CTNNA3: variants seen among roughly 807,000 people sequenced by gnomAD.
The protein encoded by CTNNA3 is catenin alpha-3.
Under a neutral mutation model 95.7 loss-of-function variants are expected in CTNNA3, and 76 were observed. The observed-to-expected ratio is 0.79, with a 90% CI of 0.66 to 0.96. CTNNA3 has a LOEUF of 0.96. CTNNA3 is among the 40% of genes least tolerant of loss of function. CTNNA3 has a pLI of 0.00. For synonymous variants in CTNNA3, 431 were observed against 374.4 expected, an observed-to-expected ratio of 1.15 and a Z score of -1.74; for missense variants, 1,191 against 1,089.8, an observed-to-expected ratio of 1.09 and a Z score of -1.31.
chr10:66,048,622 G>A lies in CTNNA3; in HGVS notation c.2159+20686C>T, dbSNP rs139527243. 7.0e-3 allele frequency among the ~76,000 whole-genome samples: 1,060 copies of A among 152,180 alleles called. 5 individuals carry two copies. The highest frequency in any genetic ancestry group is 0.012 in the African/African-American group (513 of 41,506). ...AAAAATACAAAAAAATTAGCCAGGCGTGCTGGTGGGTGCCTGTAGTCCCAG... is the reference window on the plus strand; with the variant it reads ...AAAAATACAAAAAAATTAGCCAGGCATGCTGGTGGGTGCCTGTAGTCCCAG... On this transcript the variant is annotated intron_variant, in intron 15 of 17. Coordinates refer to ENST00000433211, the MANE Select transcript of CTNNA3 (RefSeq NM_013266.4).
At chr10:66,756,471 T>G (rs187798136) in intron 9 of CTNNA3, among the ~76,000 whole-genome samples, 66 of 152,232 alleles carry the variant, frequency 4.3e-4, no homozygotes, top group African/African-American at 1.5e-3. Flanking sequence ...AATCTAACAT[T>G]TCTATCTTGC....
chr10:66,679,601 A>G (rs1228877061), intron 9 of CTNNA3, among the ~76,000 whole-genome samples: 1 of 152,166 alleles, frequency 6.6e-6, no homozygotes, highest in Non-Finnish European at 1.5e-5. Flanking sequence ...ACTCCAATAG[A>G]TTTGATTTTA....
chr10:67,064,864 T>G (rs1451487499), intron 7 of CTNNA3, among the ~76,000 whole-genome samples: 1 of 152,228 alleles, frequency 6.6e-6, no homozygotes, highest in Non-Finnish European at 1.5e-5. Flanking sequence ...GAAATTTATA[T>G]GTAAGTATTT....
intron 15 of CTNNA3, among the ~76,000 whole-genome samples, chr10:66,064,395 G>A (rs2080272328): frequency 6.6e-6 from 1 of 152,130 alleles, no homozygotes; most frequent in East Asian, 1.9e-4. Context: ...CTTTGAATGT[G>A]TCAACACCTT....
chr10:67,566,982 G>T (rs892593038), intron 3 of CTNNA3, among the ~76,000 whole-genome samples: 1 of 139,718 alleles, frequency 7.2e-6, no homozygotes, highest in African/African-American at 2.7e-5. Context: ...GAGAACACAT[G>T]GACACAGAAA....
intron 1 of CTNNA3, among the ~76,000 whole-genome samples, chr10:67,657,645 A>G (rs572466760): frequency 5.3e-4 from 81 of 152,230 alleles, no homozygotes; most frequent in African/African-American, 1.8e-3. Flanking sequence ...CAGGAGTTCG[A>G]GACCAGCCTG....
chr10:67,371,380 TC>T lies in CTNNA3; in HGVS notation c.579+150461del, dbSNP rs1244628222. Among the ~76,000 whole-genome samples, 3 of 60,256 alleles carry T rather than the reference TC, an allele frequency of 5.0e-5. No individual in the cohort carries two copies. The East Asian group carries it at 1.5e-3, about 31-fold the overall frequency. 39.5% of individuals were successfully genotyped at this position (60,256 alleles called of 152,430 possible). ...ATCTCCTAATGCTATCCCTCCCCCC[TC>T]CCCCCATCCCACAACAGGCCCCAGT... On this transcript the variant is annotated intron_variant, in intron 5 of 17. Transcript: ENST00000433211.
intron 7 of CTNNA3, among the ~76,000 whole-genome samples, chr10:66,999,541 T>A (rs1851559654): frequency 6.7e-6 from 1 of 149,890 alleles, no homozygotes; most frequent in Non-Finnish European, 1.5e-5. Flanking sequence ...CTCTCTTTTC[T>A]AACTATAGAG....
At chr10:66,376,622 A>C (rs1319489173) in intron 12 of CTNNA3, among the ~76,000 whole-genome samples, 1 of 152,162 alleles carries the variant, frequency 6.6e-6, no homozygotes, top group African/African-American at 2.4e-5. Context: ...TTATGACAAT[A>C]CTTTAAGGCA....
intron 5 of CTNNA3, among the ~76,000 whole-genome samples, chr10:67,379,167 T>C (rs1427395196): frequency 6.6e-6 from 1 of 152,238 alleles, no homozygotes; most frequent in Non-Finnish European, 1.5e-5. Context: ...TACATTATTA[T>C]AAAGTTGCCA....
chr10:65,948,201 A>AC (rs1421271662), intron 17 of CTNNA3, among the ~76,000 whole-genome samples: 6 of 144,614 alleles, frequency 4.1e-5, no homozygotes, highest in Non-Finnish European at 8.9e-5. Flanking sequence ...GAATGGCATG[A>AC]CCCCGGGAGG....
At chr10:67,355,261 A>G (rs543433526) in intron 5 of CTNNA3, among the ~76,000 whole-genome samples, 1 of 152,122 alleles carries the variant, frequency 6.6e-6, no homozygotes, top group East Asian at 1.9e-4. Context: ...TCCCTATATC[A>G]AATGTAAACA....
At chr10:66,110,764 T>A (rs2082093337) in intron 13 of CTNNA3, among the ~76,000 whole-genome samples, 1 of 152,198 alleles carries the variant, frequency 6.6e-6, no homozygotes, top group Non-Finnish European at 1.5e-5. Flanking sequence ...TCATGTTGCT[T>A]AACAATCAGG....
chr10:67,652,822 T>C (rs201136361), intron 1 of CTNNA3, among the ~76,000 whole-genome samples: 1 of 152,234 alleles, frequency 6.6e-6, no homozygotes, highest in East Asian at 1.9e-4. Flanking sequence ...GTGACTAATG[T>C]AGAGGATCTA....
chr10:66,393,660 A>G (rs1186937418), intron 11 of CTNNA3, among the ~76,000 whole-genome samples: 1 of 152,042 alleles, frequency 6.6e-6, no homozygotes, highest in African/African-American at 2.4e-5. Context: ...CTGGTTGTCA[A>G]CTGGTTTCTT....
At chr10:67,320,840 A>G (rs1349605606) in intron 5 of CTNNA3, among the ~76,000 whole-genome samples, 2 of 152,212 alleles carry the variant, frequency 1.3e-5, no homozygotes, top group Non-Finnish European at 2.9e-5. Flanking sequence ...TTAGTCAGTG[A>G]ATTAAAAGAA....
chr10:67,638,343 ACC>A (rs1326926609), intron 2 of CTNNA3, among the ~76,000 whole-genome samples: 1 of 152,228 alleles, frequency 6.6e-6, no homozygotes, highest in Admixed American at 6.5e-5. Context: ...ATACAGGAGC[ACC>A]CAGATTCATA....
Position 66,199,765 on chromosome 10 carries a change from C to CCA in CTNNA3, c.1884+80704_1884+80705insTG, listed in dbSNP as rs1410081168. Among the ~76,000 whole-genome samples, 13 of 30,722 alleles carry CCA rather than the reference C, an allele frequency of 4.2e-4. 1 individual carries two copies. The highest frequency in any genetic ancestry group is 2.3e-3 in the African/African-American group (13 of 5,696). The allele number at this position is 30,722 out of a possible 152,430, so 20.2% of individuals were successfully genotyped here. A position where few individuals can be genotyped will look rare whatever the true frequency, so the allele number is the denominator to read the frequency against. On this transcript the variant is annotated intron_variant, in intron 13 of 17. Transcript: ENST00000433211. ...TACAGGCGTGTGCCACCACGCCTGG[C>CCA]TATATATATATATATATATATATAT...
intron 11 of CTNNA3, among the ~76,000 whole-genome samples, chr10:66,440,156 T>G (rs549184729): frequency 2.6e-5 from 4 of 152,128 alleles, no homozygotes; most frequent in Non-Finnish European, 5.9e-5. Flanking sequence ...ATATCTCCAC[T>G]TTAGATATTT....
Sources: allele counts gnomAD v4.1 joint callset (sites outside exome capture counted in the v4.1 genomes callset), GRCh38; gene constraint gnomAD v4.1.1; transcripts MANE v1.5; gene names NCBI Gene and HGNC (gene_info 2026-07-23, HGNC 2026-07-21).